The following KCNH1 variants were observed in gnomAD, a reference collection of about 807,000 sequenced individuals.
KCNH1 encodes potassium voltage-gated channel subfamily H member 1.
In KCNH1, 27 loss-of-function variants were observed where a neutral mutation model predicts 69.2. The ratio of observed to expected loss-of-function variants is 0.39; its 90% CI spans 0.29 to 0.54. KCNH1 has a LOEUF of 0.54. KCNH1 is among the 20% of genes least tolerant of loss of function. KCNH1 has a pLI of 0.68. For synonymous variants in KCNH1, 456 were observed against 487.7 expected, an observed-to-expected ratio of 0.93 and a Z score of 0.86; for missense variants, 798 against 1,261.6, an observed-to-expected ratio of 0.63 and a Z score of 5.57.
At chr1:210,781,544 A>G (rs1006545702) in intron 9 of KCNH1, among the ~76,000 whole-genome samples, 1 of 152,146 alleles carries the variant, frequency 6.6e-6, no homozygotes, top group Non-Finnish European at 1.5e-5. Context: ...GGCCCTAGAA[A>G]AAAACTCCTT....
intron 10 of KCNH1, among the ~76,000 whole-genome samples, chr1:210,717,553 G>T (rs1294584168): frequency 2.0e-5 from 3 of 152,186 alleles, no homozygotes; most frequent in African/African-American, 7.2e-5. Context: ...GATCCAAACG[G>T]CTAGGAACAC....
chr1:210,892,385 C>G (rs924070469), intron 7 of KCNH1, among the ~76,000 whole-genome samples: 7 of 152,002 alleles, frequency 4.6e-5, no homozygotes, highest in African/African-American at 1.7e-4. Flanking sequence ...CCTTTTAGAG[C>G]TATTAAAATT....
At chr1:211,070,713 A>G (rs901531968) in intron 5 of KCNH1, among the ~76,000 whole-genome samples, 1 of 151,282 alleles carries the variant, frequency 6.6e-6, no homozygotes, top group Non-Finnish European at 1.5e-5. Context: ...AATCCCAGCT[A>G]CAGGAGGCTG....
intron 7 of KCNH1, among the ~76,000 whole-genome samples, chr1:210,836,219 G>C (rs1685279470): frequency 6.6e-6 from 1 of 151,556 alleles, no homozygotes; most frequent in Admixed American, 6.6e-5. Flanking sequence ...ATCCCCTACA[G>C]AATTTATGAG....
chr1:210,834,539 T>G (rs1376280692), intron 7 of KCNH1, among the ~76,000 whole-genome samples: 37 of 54,968 alleles, frequency 6.7e-4, no homozygotes, highest in South Asian at 8.5e-4. Context: ...TGTTGTGGGG[T>G]GGGGGGAGGG....
chr1:211,060,826 TC>T (rs562284821), intron 5 of KCNH1, among the ~76,000 whole-genome samples: 67 of 152,036 alleles, frequency 4.4e-4, no homozygotes, highest in Admixed American at 1.3e-3. Context: ...TAAAAAAGTC[TC>T]CCATCAAAGA....
intron 7 of KCNH1, chr1:210,860,184 A>G (rs1315533171): frequency 7.3e-6 from 9 of 1,227,650 alleles, no homozygotes; most frequent in Middle Eastern, 2.6e-4. Context: ...CAACTGTTAC[A>G]TAATTATAAA....
At chr1:211,005,371 A>T (rs1319148280) in intron 6 of KCNH1, among the ~76,000 whole-genome samples, 1 of 152,184 alleles carries the variant, frequency 6.6e-6, no homozygotes, top group African/African-American at 2.4e-5. Context: ...TCATTACAAA[A>T]CTACATTGAT....
intron 10 of KCNH1, among the ~76,000 whole-genome samples, chr1:210,769,057 G>A (rs1683698834): frequency 6.6e-6 from 1 of 152,142 alleles, no homozygotes; most frequent in Non-Finnish European, 1.5e-5. Context: ...TGGCTTGACA[G>A]ACTAATAGAT....
In KCNH1 at chr1:210,910,277, CAA is replaced by C. The variant is rs373832448; in HGVS notation, c.1462+9361_1462+9362del. Among the ~76,000 whole-genome samples, 32 of 102,726 alleles carry C rather than the reference CAA, an allele frequency of 3.1e-4. 1 individual carries two copies. In the South Asian group the frequency reaches 9.1e-3, roughly 29 times the overall value. The allele number at this position is 102,726 out of a possible 152,430, so 67.4% of individuals were successfully genotyped here. A position where few individuals can be genotyped will look rare whatever the true frequency, so the allele number is the denominator to read the frequency against. ...ACAGTCAGAGGTGGTCATCAAGCAC[CAA>C]AAAAAAAAAAAAAAAATCATCAAAT... On this transcript the variant is annotated intron_variant, in intron 7 of 10. Coordinates refer to ENST00000271751, the MANE Select transcript of KCNH1 (RefSeq NM_172362.3).
chr1:210,900,344 A>G (rs971540851), intron 7 of KCNH1, among the ~76,000 whole-genome samples: 2 of 152,200 alleles, frequency 1.3e-5, no homozygotes, highest in Non-Finnish European at 2.9e-5. Context: ...CAGACAGTTC[A>G]TCTGAGCAGA....
At chr1:210,807,276 C>G (rs560379576) in intron 7 of KCNH1, among the ~76,000 whole-genome samples, 1 of 152,188 alleles carries the variant, frequency 6.6e-6, no homozygotes, top group Non-Finnish European at 1.5e-5. Context: ...GCAATCACAA[C>G]CTTTTTCTCC....
intron 7 of KCNH1, among the ~76,000 whole-genome samples, chr1:210,829,294 A>C (rs1057488396): frequency 2.6e-5 from 4 of 152,176 alleles, no homozygotes; most frequent in Admixed American, 6.5e-5. Flanking sequence ...CCCTGTGTAC[A>C]GTGCTTTCCC....
intron 6 of KCNH1, among the ~76,000 whole-genome samples, chr1:210,950,370 T>C (rs1299647659): frequency 1.8e-4 from 16 of 90,570 alleles, no homozygotes; most frequent in Non-Finnish European, 1.9e-4. Flanking sequence ...CCCTCCCCCC[T>C]CCCCCACCCC....
chr1:210,700,120 A>C (rs1681737135), intron 10 of KCNH1, among the ~76,000 whole-genome samples: 1 of 152,218 alleles, frequency 6.6e-6, no homozygotes, highest in South Asian at 2.1e-4. Flanking sequence ...CAAGTCAGGA[A>C]GTGATGAGCC....
chr1:210,920,921 A>C (rs1226128959), intron 6 of KCNH1, among the ~76,000 whole-genome samples: 1 of 152,214 alleles, frequency 6.6e-6, no homozygotes, highest in Admixed American at 6.5e-5. Context: ...TCTGGCTGGC[A>C]TCCACTGATC....
chr1:210,809,645 G>A (rs1684657959), intron 7 of KCNH1, among the ~76,000 whole-genome samples: 1 of 152,126 alleles, frequency 6.6e-6, no homozygotes, highest in Admixed American at 6.6e-5. Context: ...CCCTCACTGT[G>A]CATCCTCCAT....
intron 6 of KCNH1, among the ~76,000 whole-genome samples, chr1:211,016,626 G>C (rs547382460): frequency 6.6e-6 from 1 of 152,020 alleles, no homozygotes; most frequent in African/African-American, 2.4e-5. Flanking sequence ...TCTCATTTGT[G>C]GGCCAGGAGT....
chr1:210,963,193 C>T (rs1307826546), intron 6 of KCNH1, among the ~76,000 whole-genome samples: 1 of 151,770 alleles, frequency 6.6e-6, no homozygotes, highest in East Asian at 1.9e-4. Flanking sequence ...CTACTGGGGC[C>T]TGACTCTTAG....
Sources: allele counts gnomAD v4.1 joint callset (sites outside exome capture counted in the v4.1 genomes callset), GRCh38; gene constraint gnomAD v4.1.1; transcripts MANE v1.5; gene names NCBI Gene and HGNC (gene_info 2026-07-23, HGNC 2026-07-21).